The following MAP3K13 variants were observed in gnomAD, a reference collection of about 807,000 sequenced individuals.
MAP3K13 encodes mitogen-activated protein kinase kinase kinase 13.
Under a neutral mutation model 104.0 loss-of-function variants are expected in MAP3K13, and 52 were observed. That is an observed-to-expected ratio of 0.50 (90% CI 0.40 to 0.63). The LOEUF (loss-of-function observed/expected upper bound fraction) is 0.63, where lower values mean the gene tolerates loss of function less well. Among genes scored for constraint, MAP3K13 ranks in the 20% least tolerant of loss-of-function variants. The pLI, the probability that MAP3K13 is intolerant of heterozygous loss-of-function variation, is 0.00. For synonymous variants in MAP3K13, 394 were observed against 442.2 expected (o/e 0.89, Z 1.37); for missense variants, 914 against 1,218.5 (o/e 0.75, Z 3.72).
intron 2 of MAP3K13, among the ~76,000 whole-genome samples, chr3:185,286,042 C>T (rs1437431620): frequency 1.3e-5 from 2 of 152,084 alleles, no homozygotes; most frequent in African/African-American, 4.8e-5. Flanking sequence ...ATCAAATCTA[C>T]TGATTAGTTT....
rs574152939 is a variant in MAP3K13, at chr3:185,397,591, A to G, written c.-85-30906A>G. Among the ~76,000 whole-genome samples the G allele has an allele frequency of 5.9e-5, 9 of 152,332 alleles. No homozygotes were observed. In the South Asian group the frequency reaches 1.9e-3, roughly 32 times the overall value. On this transcript the variant is annotated intron_variant, in intron 1 of 13. Coordinates refer to ENST00000265026, the MANE Select transcript of MAP3K13 (RefSeq NM_004721.5). ...TTTCTATTTCGATGGAGAAAATGTG[A>G]CTATTTTATTAATTGTTTACAAAGA...
At chr3:185,366,146 C>CCA (rs531582308) in intron 1 of MAP3K13, among the ~76,000 whole-genome samples, 6 of 151,542 alleles carry the variant, frequency 4.0e-5, no homozygotes, top group Non-Finnish European at 8.8e-5. Flanking sequence ...TCTGCTTTCT[C>CCA]TATATATAGA....
upstream of MAP3K13, among the ~76,000 whole-genome samples, chr3:185,360,044 T>A (rs1577462270): frequency 6.6e-6 from 1 of 152,174 alleles, no homozygotes; most frequent in Non-Finnish European, 1.5e-5. Context: ...GTTTTAAATA[T>A]CTTCTTGCAT....
In MAP3K13 at chr3:185,482,839, C is replaced by T. The variant is rs973469746; in HGVS notation, c.*383C>T. 8.2e-5 allele frequency: 19 copies of T among 232,608 alleles called. No homozygotes were observed. The highest frequency in any genetic ancestry group is 3.8e-4 in the African/African-American group (17 of 44,530). The allele number at this position is 232,608 out of a possible 1,614,324, so 14.4% of individuals were successfully genotyped here. A position where few individuals can be genotyped will look rare whatever the true frequency, so the allele number is the denominator to read the frequency against. On this transcript the variant is annotated 3_prime_UTR_variant, in exon 14 of 14. Coordinates refer to ENST00000265026, the MANE Select transcript of MAP3K13 (RefSeq NM_004721.5). The surrounding 1 kb of genome is among the most constrained non-coding windows in gnomAD (Gnocchi z 4.5). ...AAAAAAAAAGAGATAAAAGAAAGAA[C>T]AGAAAAAAAGAAATAAGTGGAATTT...
Position 185,381,366 on chromosome 3 carries a change from C to T in MAP3K13, c.-86+17998C>T, listed in dbSNP as rs574471960. On this transcript the variant is annotated intron_variant, in intron 1 of 13. Coordinates refer to ENST00000265026, the MANE Select transcript of MAP3K13 (RefSeq NM_004721.5). ...TAGGGAAATATAGTTAGTTAATCCT[C>T]GTTATTCACAGATACTATATTTGCA... 3.3e-5 allele frequency among the ~76,000 whole-genome samples: 5 copies of T among 152,264 alleles called. No individual in the cohort carries two copies. In the South Asian group the frequency reaches 8.3e-4, roughly 25 times the overall value.
chr3:185,416,533 C>T (rs541638014), intron 1 of MAP3K13, among the ~76,000 whole-genome samples: 27 of 152,138 alleles, frequency 1.8e-4, no homozygotes, highest in South Asian at 8.3e-4. Context: ...GTCTATCTTC[C>T]TCTAGTGCCT....
intron 2 of MAP3K13, among the ~76,000 whole-genome samples, chr3:185,327,625 T>G (rs1316341502): frequency 6.6e-6 from 1 of 152,072 alleles, no homozygotes; most frequent in Non-Finnish European, 1.5e-5. Context: ...TGGTAGAAAT[T>G]ACAAGGCTGG....
chr3:185,362,466 CTG>C (rs1412064876), upstream of MAP3K13, among the ~76,000 whole-genome samples: 1 of 152,176 alleles, frequency 6.6e-6, no homozygotes, highest in African/African-American at 2.4e-5. Flanking sequence ...TGAGGAAACA[CTG>C]TACCCTACTT....
intron 2 of MAP3K13, among the ~76,000 whole-genome samples, chr3:185,349,890 C>T (rs1295985849): frequency 6.6e-6 from 1 of 152,196 alleles, no homozygotes; most frequent in African/African-American, 2.4e-5. Context: ...AACTCTTTCT[C>T]TTCAGCAAGG....
chr3:185,297,003 TAG>T (rs1720938798), intron 2 of MAP3K13, among the ~76,000 whole-genome samples: 2 of 152,192 alleles, frequency 1.3e-5, no homozygotes, highest in South Asian at 2.1e-4. Flanking sequence ...TTTGACTTAT[TAG>T]AGAGTTAGGT....
Position 185,450,058 on chromosome 3 carries a change from G to C in MAP3K13, c.1169G>C (p.Trp390Ser). ...DGFKILMKQT[W>S]QSKPRNRPSF... ...TTCAAAATCCTTATGAAACAGACGTGGTAAGAATATTGTCTCTAAAACAAT... is the reference window on the plus strand; with the variant it reads ...TTCAAAATCCTTATGAAACAGACGTCGTAAGAATATTGTCTCTAAAACAAT... Residue 390 changes from tryptophan to serine, a missense_variant and splice_region_variant, in exon 6 of 14, where the codon TGG becomes TCG. Physicochemically the swap from Trp to Ser is radical, Grantham distance 177 (BLOSUM62 -3). Around this residue, in one of 3 missense-constraint regions of MAP3K13, gnomAD observed 583 missense variants for 737.4 expected, o/e 0.79. Transcript: ENST00000265026. The surrounding 1 kb of genome is among the most constrained non-coding windows in gnomAD (Gnocchi z 4.2). 6.2e-7 allele frequency: 1 copy of C among 1,604,850 alleles called. No individual in the cohort carries two copies. The highest frequency in any genetic ancestry group is 1.7e-4 in the Middle Eastern group (1 of 6,028).
At chr3:185,468,262 TC>T in intron 10 of MAP3K13, among the ~76,000 whole-genome samples, 1 of 152,200 alleles carries the variant, frequency 6.6e-6, no homozygotes, top group Non-Finnish European at 1.5e-5. Context: ...TGGGTTCCCC[TC>T]ATTGTACCCT....
intron 2 of MAP3K13, among the ~76,000 whole-genome samples, chr3:185,295,229 G>A (rs868027188): frequency 2.0e-5 from 3 of 151,884 alleles, no homozygotes; most frequent in African/African-American, 7.3e-5. Context: ...TTTTTGAGAC[G>A]GAGTTTTGCT....
intron 2 of MAP3K13, among the ~76,000 whole-genome samples, chr3:185,342,576 G>A (rs1253428501): frequency 6.6e-6 from 1 of 152,048 alleles, no homozygotes; most frequent in Admixed American, 6.6e-5. Context: ...AATCATGCTT[G>A]AGTCACCAGG....
At chr3:185,386,226 A>G (rs1212199570) in intron 1 of MAP3K13, among the ~76,000 whole-genome samples, 1 of 151,896 alleles carries the variant, frequency 6.6e-6, no homozygotes, top group African/African-American at 2.4e-5. Flanking sequence ...GAAAAAAAAC[A>G]AACATTCCCA....
At chr3:185,381,351 T>C (rs1724713178) in intron 1 of MAP3K13, among the ~76,000 whole-genome samples, 1 of 152,228 alleles carries the variant, frequency 6.6e-6, no homozygotes, top group Non-Finnish European at 1.5e-5. Context: ...TAGGGAAATA[T>C]AGTTAGTTAA....
At chr3:185,374,379 G>A (rs1390152060) in intron 1 of MAP3K13, among the ~76,000 whole-genome samples, 3 of 152,178 alleles carry the variant, frequency 2.0e-5, no homozygotes, top group African/African-American at 7.2e-5. Flanking sequence ...GGCGGCGTGG[G>A]AACCTAGAGT....
chr3:185,456,017 A>T (rs577833271), intron 7 of MAP3K13, among the ~76,000 whole-genome samples: 1 of 148,260 alleles, frequency 6.7e-6, no homozygotes, highest in Non-Finnish European at 1.5e-5. Context: ...ATATATATAT[A>T]TATGAGATAT....
chr3:185,465,977 C>G, intron 9 of MAP3K13, 114 bp downstream of exon 9: 1 of 799,838 alleles, frequency 1.3e-6, no homozygotes, highest in Non-Finnish European at 2.1e-6. Flanking sequence ...TATTCATTCA[C>G]CCAACATTCC....
Sources: allele counts gnomAD v4.1 joint callset (sites outside exome capture counted in the v4.1 genomes callset), GRCh38; gene constraint gnomAD v4.1.1; regional missense constraint gnomAD v4.1.1; non-coding constraint Gnocchi (gnomAD v3.1); transcripts MANE v1.5; gene names NCBI Gene and HGNC (gene_info 2026-07-23, HGNC 2026-07-21).